The following MCM3AP variants were observed in gnomAD, a reference collection of about 807,000 sequenced individuals.
The protein encoded by MCM3AP is germinal-center associated nuclear protein.
In MCM3AP, 126 loss-of-function variants were observed where a neutral mutation model predicts 184.1. The observed-to-expected ratio is 0.68, with a 90% CI of 0.59 to 0.79. The LOEUF (loss-of-function observed/expected upper bound fraction) is 0.79, where lower values mean the gene tolerates loss of function less well. Among genes scored for constraint, MCM3AP ranks in the 30% least tolerant of loss-of-function variants. The pLI is 0.00. For synonymous variants in MCM3AP, 1,002 were observed against 979.3 expected (o/e 1.02, Z -0.43); for missense variants, 2,496 against 2,479.2 (o/e 1.01, Z -0.14).
At chr21:46,262,654 G>GA (rs376598121) in intron 13 of MCM3AP, among the ~76,000 whole-genome samples, 11 of 143,574 alleles carry the variant, frequency 7.7e-5, no homozygotes, top group Non-Finnish European at 1.2e-4. Context: ...TCTCAAAAAA[G>GA]AAAAAAAAAA....
Position 46,246,833 on chromosome 21 carries a change from C to G in MCM3AP, c.4344G>C (p.Lys1448Asn). 6.2e-7 allele frequency: 1 copy of G among 1,614,174 alleles called. No individual in the cohort carries two copies. Among genetic ancestry groups the G allele is most frequent in the South Asian group, 1.1e-5 (1 of 91,086 alleles). Residue 1448 changes from lysine (K) to asparagine (N), a missense_variant, in exon 21 of 28, where the codon AAG (lysine) becomes AAC (asparagine). Around this residue, in one of 5 missense-constraint regions of MCM3AP, gnomAD observed 1,323 missense variants for 1,273.4 expected, o/e 1.04. Coordinates refer to ENST00000291688, the MANE Select transcript of MCM3AP (RefSeq NM_003906.5). ...DGAIDAVETQ[K>N]DLLGASGLML... ...TGAGCCCACTGGCTCCCAGGAGGTC[C>G]TTCTGTGTCTCCACAGCATCAATGG... is the stretch of plus-strand genomic sequence containing the variant.
rs762386346 is a variant in MCM3AP at position 46,240,801 on chromosome 21, T to A, written c.5633+10A>T. On this transcript the variant is annotated intron_variant, in intron 26 of 27. Transcript: ENST00000291688. ...TAAACACACATGAATTAGAAGGAAG[T>A]GGGCTTCACCTCTTGTTCTCTTCTT... 1.8e-5 allele frequency: 29 copies of A among 1,612,142 alleles called. No individual in the cohort carries two copies. Among genetic ancestry groups the A allele is most frequent in the Non-Finnish European group, 2.4e-5 (28 of 1,178,980 alleles).
At chr21:46,265,896 C>T (rs773958646) in intron 11 of MCM3AP, 29 bp downstream of exon 11, 3 of 1,517,988 alleles carry the variant, frequency 2.0e-6, no homozygotes, top group South Asian at 2.7e-5. Context: ...TGCAGCTAGT[C>T]CCCTCACTAC....
chr21:46,241,346 C>A, intron 25 of MCM3AP: 1 of 232,166 alleles, frequency 4.3e-6, no homozygotes, highest in Non-Finnish European at 8.5e-6. Flanking sequence ...TCTTGCTTCC[C>A]ACCCTAGGGT....
chr21:46,236,679 T>C (rs2080531635), intron 27 of MCM3AP, 150 bp downstream of exon 27: 4 of 574,564 alleles, frequency 7.0e-6, no homozygotes, highest in African/African-American at 1.9e-5. Context: ...AACAATGATA[T>C]GGATAAAGTT....
intron 5 of MCM3AP, among the ~76,000 whole-genome samples, chr21:46,276,117 T>G (rs905799165): frequency 6.6e-6 from 1 of 151,922 alleles, no homozygotes; most frequent in African/African-American, 2.4e-5. Flanking sequence ...CCGGGCGTGG[T>G]GGCGCATGGC....
At chr21:46,281,864 G>T (rs911137655) in intron 2 of MCM3AP, among the ~76,000 whole-genome samples, 1 of 152,056 alleles carries the variant, frequency 6.6e-6, no homozygotes, top group Non-Finnish European at 1.5e-5. Context: ...GCCAGGCATG[G>T]TGGTGCACAC....
intron 20 of MCM3AP, 151 bp downstream of exon 20, chr21:46,251,378 T>C (rs1000186222): frequency 3.5e-5 from 20 of 571,100 alleles, no homozygotes; most frequent in Non-Finnish European, 5.2e-5. Context: ...TTAAACGACA[T>C]GTACGGACAG....
chr21:46,251,878 GTTCT>G (rs1201167564), intron 19 of MCM3AP, 196 bp from the exon 20 acceptor site: 4 of 186,040 alleles, frequency 2.2e-5, no homozygotes, highest in South Asian at 2.3e-4. Context: ...ATCTGTACTC[GTTCT>G]TTTTTTTTTT....
intron 25 of MCM3AP, 153 bp from the exon 26 acceptor site, chr21:46,241,170 C>T (rs2080658091): frequency 3.1e-6 from 2 of 635,174 alleles, no homozygotes; most frequent in Non-Finnish European, 5.5e-6. Flanking sequence ...ATGCTGGCCC[C>T]ATGCCTGCTT....
intron 20 of MCM3AP, chr21:46,247,125 T>A: frequency 2.2e-5 from 4 of 185,708 alleles, no homozygotes; most frequent in Admixed American, 1.1e-4. Context: ...CCCTCAACCT[T>A]TTTTTTTTTT....
At position 46,245,216 on chromosome 21, in the gene MCM3AP, C is replaced by A; in HGVS notation, c.4648-19G>T. Reference sequence around the variant, plus strand: ...GCAAAACCTGAGAAGAAAGAAGAGACTTGGTTGAACAATTCACACTGTTTT... The same window carrying A: ...GCAAAACCTGAGAAGAAAGAAGAGAATTGGTTGAACAATTCACACTGTTTT... On this transcript the variant is annotated intron_variant, in intron 22 of 27. Coordinates refer to ENST00000291688, the MANE Select transcript of MCM3AP (RefSeq NM_003906.5). 6.3e-7 allele frequency: 1 copy of A among 1,581,402 alleles called. No homozygotes were observed. Among genetic ancestry groups the A allele is most frequent in the Non-Finnish European group, 8.6e-7 (1 of 1,167,066 alleles).
chr21:46,254,340 G>A, intron 19 of MCM3AP, 52 bp downstream of exon 19: 11 of 1,610,156 alleles, frequency 6.8e-6, no homozygotes, highest in Non-Finnish European at 9.3e-6. Flanking sequence ...CCACAACCCT[G>A]CCCTGCCCAC....
chr21:46,279,035 T>A (rs1162859270), intron 4 of MCM3AP, among the ~76,000 whole-genome samples: 1 of 151,398 alleles, frequency 6.6e-6, no homozygotes, highest in African/African-American at 2.4e-5. Flanking sequence ...TGAAAGTGAT[T>A]ATTAGAAATG....
At position 46,240,816 on chromosome 21, in the gene MCM3AP, G is replaced by A. The variant is rs757853669; in HGVS notation, c.5628C>T (p.Asn1876=). 2.5e-5 allele frequency: 41 copies of A among 1,613,880 alleles called. No individual in the cohort carries two copies. The Admixed American group carries it at 2.8e-4, about 11-fold the overall frequency. The change falls in exon 26 of 28, where the codon AAC becomes AAT. Residue 1876 remains asparagine (N), a synonymous_variant. Coordinates refer to ENST00000291688, the MANE Select transcript of MCM3AP (RefSeq NM_003906.5). ...SSSLLLEKEE[N]KRFEDQLQQW... ...TAGAAGGAAGTGGGCTTCACCTCTTGTTCTCTTCTTTCTCCAGCAGCAGAC... is the reference window on the plus strand; with the variant it reads ...TAGAAGGAAGTGGGCTTCACCTCTTATTCTCTTCTTTCTCCAGCAGCAGAC...
intron 21 of MCM3AP, 49 bp downstream of exon 21, chr21:46,246,579 C>T: frequency 6.3e-7 from 1 of 1,599,102 alleles, no homozygotes; most frequent in East Asian, 2.2e-5. Context: ...AGGGCCTCCA[C>T]CCATTTATTA....
chr21:46,280,257 G>T, intron 3 of MCM3AP, 120 bp from the exon 4 acceptor site: 2 of 1,175,486 alleles, frequency 1.7e-6, no homozygotes, highest in Non-Finnish European at 2.5e-6. Context: ...TTAGAGAAGA[G>T]CCCAAGGAAA....
In MCM3AP at chr21:46,267,080, G is replaced by A. The variant is rs773035448; in HGVS notation, c.2691C>T (p.Thr897=). 49 of 1,614,024 alleles carry A rather than the reference G, an allele frequency of 3.0e-5. No individual in the cohort carries two copies. Among genetic ancestry groups the A allele is most frequent in the Non-Finnish European group, 3.6e-5 (43 of 1,180,028 alleles). Residue 897 remains threonine (T), a synonymous_variant, in exon 10 of 28, where the codon ACC becomes ACT. Transcript: ENST00000291688. The part of the protein sequence containing the change: ...FAYTVSTQRS[T]IFPLDGVVRM... The stretch of plus-strand genomic sequence containing the variant: ...GCACCACACCATCCAGGGGAAAGAT[G>A]GTAGATCGCTGTGTGCTCACCGTGT...
chr21:46,241,425 A>AT (rs1214333368), intron 25 of MCM3AP: 2 of 160,300 alleles, frequency 1.2e-5, no homozygotes, highest in Non-Finnish European at 2.7e-5. Flanking sequence ...ATTTGGAAGT[A>AT]ATGTTTACAA....
Sources: allele counts gnomAD v4.1 joint callset (sites outside exome capture counted in the v4.1 genomes callset), GRCh38; gene constraint gnomAD v4.1.1; regional missense constraint gnomAD v4.1.1; transcripts MANE v1.5; gene names NCBI Gene and HGNC (gene_info 2026-07-23, HGNC 2026-07-21).